Variants in TCOF1 observed in about 807,000 individuals in gnomAD.
TCOF1 encodes treacle protein.
TCOF1 carries 33 observed loss-of-function variants against 149.0 expected under a neutral mutation model. The observed-to-expected ratio is 0.22, with a 90% CI of 0.17 to 0.30. TCOF1 has a LOEUF of 0.30. Ranked by LOEUF, TCOF1 falls within the 10% of genes least tolerant of loss-of-function variation. TCOF1 has a pLI of 1.00. For missense variants in TCOF1, 1,728 were observed against 1,840.7 expected, an observed-to-expected ratio of 0.94 and a Z score of 1.12; for synonymous variants, 789 against 738.8, an observed-to-expected ratio of 1.07 and a Z score of -1.10.
intron 17 of TCOF1, chr5:150,380,075 AAAAAAAAAAAG>A: frequency 3.8e-6 from 1 of 262,878 alleles, no homozygotes; most frequent in South Asian, 4.2e-5. Context: ...TGTCTCAAAA[AAAAAAAAAAAG>A]AAAAAAAAGA....
chr5:150,391,398 G>A, intron 19 of TCOF1, 146 bp from the exon 20 acceptor site: 1 of 755,248 alleles, frequency 1.3e-6, no homozygotes. Context: ...CTCATAACCT[G>A]AAGCCTGCCA....
At chr5:150,398,697 A>G (rs1158599671) in intron 25 of TCOF1, among the ~76,000 whole-genome samples, 2 of 152,252 alleles carry the variant, frequency 1.3e-5, no homozygotes, top group Non-Finnish European at 2.9e-5. Context: ...CAGCACAGGG[A>G]AACCAGGTAG....
At chr5:150,386,110 T>G (rs1366045179) in intron 17 of TCOF1, among the ~76,000 whole-genome samples, 2 of 152,274 alleles carry the variant, frequency 1.3e-5, no homozygotes, top group East Asian at 3.9e-4. Flanking sequence ...CTGCCCACCT[T>G]TATGAACTCT....
Position 150,396,489 on chromosome 5 carries a change from T to C in TCOF1, c.3992T>C (p.Val1331Ala), listed in dbSNP as rs1391530347. The C allele has an allele frequency of 1.9e-6, 3 of 1,613,300 alleles. No individual in the cohort carries two copies. Among genetic ancestry groups the C allele is most frequent in the African/African-American group, 1.3e-5 (1 of 74,798 alleles). The change falls in exon 24 of 27, where the codon GTG (valine) becomes GCG (alanine). Residue 1331 changes from valine (V) to alanine (A), a missense_variant. By Grantham distance (64) the Val-to-Ala change is moderately conservative (BLOSUM62 0). Transcript: ENST00000643257. ...CTGCTGGAACAGGAAAGAAAGAAGG[T>C]GGTGGACACCACCAAGGAGAGCAGC... ...TELLEQERKK[V>A]VDTTKESSRK...
chr5:150,383,712 C>T (rs1765703149), intron 17 of TCOF1: 1 of 1,551,316 alleles, frequency 6.4e-7, no homozygotes, highest in African/African-American at 1.4e-5. Flanking sequence ...CCCCTGGCTC[C>T]CTGTATCTCT....
intron 26 of TCOF1, 79 bp downstream of exon 26, chr5:150,399,149 A>AGACCT: frequency 6.3e-7 from 1 of 1,591,020 alleles, no homozygotes; most frequent in East Asian, 2.2e-5. Context: ...AGAGCCAGGC[A>AGACCT]GACCTGATAG....
rs1764434930 is a variant in TCOF1 at position 150,379,056 on chromosome 5, G to C, written c.2478+14G>C. On this transcript the variant is annotated intron_variant, in intron 15 of 26. Coordinates refer to ENST00000643257, the MANE Select transcript of TCOF1 (RefSeq NM_001371623.1). ...TCTCCATCCAAGGCAAGTGGGGCCA[G>C]AAGCCACAGGAGGTGTGGAGGGTTG... The C allele has an allele frequency of 1.9e-6, 3 of 1,613,812 alleles. No homozygotes were observed. In the African/African-American group the frequency reaches 4.0e-5, roughly 22 times the overall value.
At position 150,399,164 on chromosome 5, in the gene TCOF1, G is replaced by T. The variant is rs1769250264; in HGVS notation, c.*22+94G>T. On this transcript the variant is annotated intron_variant, in intron 26 of 26. Transcript: ENST00000643257. ...AGAGCCAGGCAGACCTGATAGGTGG[G>T]CTCTAAGGGGAAAGGAGGCTGGGGA... The T allele has an allele frequency of 3.2e-6, 5 of 1,556,390 alleles. No homozygotes were observed. The South Asian group carries it at 5.6e-5, about 17-fold the overall frequency.
chr5:150,374,920 C>T, intron 9 of TCOF1, 34 bp from the exon 10 acceptor site: 1 of 1,613,976 alleles, frequency 6.2e-7, no homozygotes, highest in Non-Finnish European at 8.5e-7. Flanking sequence ...CGTCCACCCT[C>T]TGGGCTCTCC....
At chr5:150,371,900 A>T in intron 6 of TCOF1, 106 bp from the exon 7 acceptor site, 2 of 1,039,996 alleles carry the variant, frequency 1.9e-6, no homozygotes, top group Non-Finnish European at 2.9e-6. Flanking sequence ...TTAAAAATCC[A>T]GTGACATTAG....
chr5:150,384,028 G>C, intron 17 of TCOF1: 1 of 1,371,362 alleles, frequency 7.3e-7, no homozygotes, highest in South Asian at 1.8e-5. Context: ...AGGCACCTCA[G>C]AGCACCAGCT....
At chr5:150,395,554 C>T (rs1768300370) in intron 23 of TCOF1, among the ~76,000 whole-genome samples, 1 of 151,078 alleles carries the variant, frequency 6.6e-6, no homozygotes, top group South Asian at 2.1e-4. Flanking sequence ...TTTTTTTACA[C>T]GTGTAGTCAG....
rs1024114102 is a variant in TCOF1, at chr5:150,392,156, C to G, written c.3497C>G (p.Ala1166Gly). 1 of 1,614,114 alleles carries G rather than the reference C, an allele frequency of 6.2e-7. No homozygotes were observed. The highest frequency in any genetic ancestry group is 8.5e-7 in the Non-Finnish European group (1 of 1,179,974). ...SEEDGEGPQG[A>G]KSAHTLVGPT... Reference sequence around the variant, plus strand: ...GAAGATGGTGAAGGGCCCCAGGGGGCCAAGTCAGCCCACACGCTGGGTGAG... The same window carrying G: ...GAAGATGGTGAAGGGCCCCAGGGGGGCAAGTCAGCCCACACGCTGGGTGAG... The change falls in exon 21 of 27, where the codon GCC becomes GGC. Residue 1166 changes from alanine to glycine, a missense_variant. Around this residue, in one of 2 missense-constraint regions of TCOF1, gnomAD observed 1,696 missense variants for 1,765.4 expected, o/e 0.96. Coordinates refer to ENST00000643257, the MANE Select transcript of TCOF1 (RefSeq NM_001371623.1).
At chr5:150,365,925 C>T (rs922360456) in intron 3 of TCOF1, among the ~76,000 whole-genome samples, 3 of 151,494 alleles carry the variant, frequency 2.0e-5, no homozygotes, top group African/African-American at 7.3e-5. Context: ...GTTGGAGACC[C>T]GCCTGGGCAA....
chr5:150,375,603 T>G, intron 11 of TCOF1, 49 bp downstream of exon 11: 1 of 1,613,114 alleles, frequency 6.2e-7, no homozygotes, highest in South Asian at 1.1e-5. Flanking sequence ...CCACTCAGAG[T>G]GGAGCTGCCT....
chr5:150,392,893 C>T (rs1767734557), intron 22 of TCOF1, 103 bp downstream of exon 22: 1 of 1,384,922 alleles, frequency 7.2e-7, no homozygotes, highest in Non-Finnish European at 1.0e-6. Context: ...TGGGTCCCCT[C>T]TCTTCACAGA....
rs868226234 is a variant in TCOF1 at position 150,379,124 on chromosome 5, G to A, written c.2478+82G>A. Reference sequence around the variant, plus strand: ...AGTCACTGAGCCCAGCCAGGAGAAGGTGCGTGCATGGGCAGGCCACCCACC... The same window carrying A: ...AGTCACTGAGCCCAGCCAGGAGAAGATGCGTGCATGGGCAGGCCACCCACC... On this transcript the variant is annotated intron_variant, in intron 15 of 26. Coordinates refer to ENST00000643257, the MANE Select transcript of TCOF1 (RefSeq NM_001371623.1). 243 of 1,613,794 alleles carry A rather than the reference G, an allele frequency of 1.5e-4. 1 individual carries two copies. The Middle Eastern group carries it at 2.3e-3, about 15-fold the overall frequency.
chr5:150,359,769 G>C (rs1463676106), intron 1 of TCOF1, among the ~76,000 whole-genome samples: 1 of 152,196 alleles, frequency 6.6e-6, no homozygotes, highest in South Asian at 2.1e-4. Flanking sequence ...GAGCAGACAG[G>C]TGACAAATAG....
At chr5:150,392,223 T>C (rs773596955) in intron 21 of TCOF1, 47 bp downstream of exon 21, 2 of 1,591,982 alleles carry the variant, frequency 1.3e-6, no homozygotes, top group South Asian at 2.2e-5. Context: ...AAGAGGGTGT[T>C]GTGTGGCCTG....
Sources: allele counts gnomAD v4.1 joint callset (sites outside exome capture counted in the v4.1 genomes callset), GRCh38; gene constraint gnomAD v4.1.1; regional missense constraint gnomAD v4.1.1; transcripts MANE v1.5; gene names NCBI Gene and HGNC (gene_info 2026-07-23, HGNC 2026-07-21).